The following NGLY1 variants were observed in gnomAD, a reference collection of about 807,000 sequenced individuals.
NGLY1 encodes peptide-N(4)-(N-acetyl-beta-glucosaminyl)asparagine amidase.
NGLY1 carries 68 observed loss-of-function variants against 84.6 expected under a neutral mutation model. The ratio of observed to expected loss-of-function variants is 0.80; its 90% CI spans 0.66 to 0.98. The LOEUF is 0.98. Ranked by LOEUF, NGLY1 falls within the 50% of genes least tolerant of loss-of-function variation. The pLI, the probability that NGLY1 is intolerant of heterozygous loss-of-function variation, is 0.00. For missense variants in NGLY1, 779 were observed against 770.2 expected (o/e 1.01, Z -0.14); for synonymous variants, 280 against 275.2 (o/e 1.02, Z -0.17).
chr3:25,760,860 C>CAAAAAAAAAAAA (rs760535260), intron 3 of NGLY1, among the ~76,000 whole-genome samples: 3 of 71,676 alleles, frequency 4.2e-5, no homozygotes, highest in Non-Finnish European at 7.3e-5. Flanking sequence ...AACTCTGTCT[C>CAAAAAAAAAAAA]AAAAAAAAAA....
upstream of NGLY1, among the ~76,000 whole-genome samples, chr3:25,787,314 G>A (rs773309701): frequency 1.3e-5 from 2 of 152,110 alleles, no homozygotes; most frequent in African/African-American, 2.4e-5. Context: ...TCCTAGTAAC[G>A]TTTCCTTCTC....
intron 5 of NGLY1, among the ~76,000 whole-genome samples, chr3:25,739,030 C>T (rs1705988074): frequency 6.6e-6 from 1 of 152,020 alleles, no homozygotes; most frequent in Non-Finnish European, 1.5e-5. Flanking sequence ...CAAACTTCTG[C>T]TAATAAGACT....
Position 25,749,831 on chromosome 3 carries a change from G to T in NGLY1, c.658+1267C>A, listed in dbSNP as rs6798340. The T allele has an allele frequency of 1.4e-3, 1,593 of 1,132,354 alleles. 11 individuals are homozygous for T. The African/African-American group carries it at 0.018, about 13-fold the overall frequency. The allele number at this position is 1,132,354 out of a possible 1,614,324, so 70.1% of individuals were successfully genotyped here. A position where few individuals can be genotyped will look rare whatever the true frequency, so the allele number is the denominator to read the frequency against. On this transcript the variant is annotated intron_variant, in intron 4 of 11. Transcript: ENST00000280700. Reference sequence around the variant, plus strand: ...GAACTGCAAAGCCATCATGGAAAGAGCCACCCAGCTGGCCATCAGAGTCAC... The same window carrying T: ...GAACTGCAAAGCCATCATGGAAAGATCCACCCAGCTGGCCATCAGAGTCAC...
At chr3:25,737,107 A>C in intron 6 of NGLY1, 1 of 379,402 alleles carries the variant, frequency 2.6e-6, no homozygotes, top group Admixed American at 4.2e-5. Context: ...GAAAAAAAGG[A>C]ATATTTATAG....
intron 4 of NGLY1, among the ~76,000 whole-genome samples, chr3:25,742,459 C>T (rs1284198653): frequency 6.6e-6 from 1 of 152,070 alleles, no homozygotes; most frequent in Non-Finnish European, 1.5e-5. Flanking sequence ...AAATAAACCC[C>T]ACACAACTTA....
intron 4 of NGLY1, among the ~76,000 whole-genome samples, chr3:25,750,465 T>C (rs1706677343): frequency 1.3e-5 from 2 of 152,046 alleles, no homozygotes; most frequent in South Asian, 2.1e-4. Context: ...AGCGACAAAG[T>C]AGAATAGTCG....
chr3:25,734,815 C>T (rs1365047799), intron 7 of NGLY1: 3 of 946,840 alleles, frequency 3.2e-6, no homozygotes, highest in South Asian at 4.9e-5. Context: ...ACCAGAAACG[C>T]TATGATAAAA....
At chr3:25,781,088 T>C (rs564029706) in intron 1 of NGLY1, among the ~76,000 whole-genome samples, 6 of 152,198 alleles carry the variant, frequency 3.9e-5, no homozygotes, top group Admixed American at 3.9e-4. Context: ...TAGCTGGGAC[T>C]ACAGGTGTCT....
At chr3:25,746,850 G>GA (rs1706460924) in intron 4 of NGLY1, among the ~76,000 whole-genome samples, 1 of 152,064 alleles carries the variant, frequency 6.6e-6, no homozygotes, top group Non-Finnish European at 1.5e-5. Context: ...TATTTTTTGA[G>GA]ACGGAGTTTC....
At chr3:25,725,748 A>G (rs1435839280) in intron 10 of NGLY1, among the ~76,000 whole-genome samples, 1 of 146,294 alleles carries the variant, frequency 6.8e-6, no homozygotes, top group African/African-American at 2.6e-5. Context: ...GAGAGAACAG[A>G]AAAAAAAAAA....
chr3:25,741,304 G>A (rs1299789146), intron 4 of NGLY1, among the ~76,000 whole-genome samples: 4 of 151,944 alleles, frequency 2.6e-5, no homozygotes, highest in Non-Finnish European at 4.4e-5. Flanking sequence ...TATTAGTGAA[G>A]AATAAACAGA....
Position 25,735,339 on chromosome 3 carries a change from A to T in NGLY1, c.1149+665T>A, listed in dbSNP as rs973741994. 3.9e-5 allele frequency: 6 copies of T among 152,202 alleles called. No individual in the cohort carries two copies. In the East Asian group the frequency reaches 1.2e-3, roughly 29 times the overall value. 9.4% of individuals were successfully genotyped at this position (152,202 alleles called of 1,614,324 possible). Reference sequence around the variant, plus strand: ...TGGACTTATATAAGAATATATAAAGAACTCTCAAAACCAAACAGTAAGAAA... The same window carrying T: ...TGGACTTATATAAGAATATATAAAGTACTCTCAAAACCAAACAGTAAGAAA... On this transcript the variant is annotated intron_variant, in intron 7 of 11. Transcript: ENST00000280700.
intron 2 of NGLY1, among the ~76,000 whole-genome samples, chr3:25,777,273 T>C (rs1708196467): frequency 6.6e-6 from 1 of 151,726 alleles, no homozygotes; most frequent in African/African-American, 2.4e-5. Flanking sequence ...CGTATGCCTT[T>C]AATCCCAGCT....
At chr3:25,726,079 G>A (rs1219124339) in intron 10 of NGLY1, among the ~76,000 whole-genome samples, 1 of 128,386 alleles carries the variant, frequency 7.8e-6, no homozygotes, top group Admixed American at 9.0e-5. Context: ...CCCTCACCCC[G>A]CCAAAATGCT....
At chr3:25,738,827 A>C (rs1012902165) in intron 5 of NGLY1, among the ~76,000 whole-genome samples, 2 of 152,124 alleles carry the variant, frequency 1.3e-5, no homozygotes, top group East Asian at 3.8e-4. Flanking sequence ...AAAATTAGAT[A>C]TTTTTAAAAC....
rs543129247 is a variant in NGLY1 at position 25,774,338 on chromosome 3, G to GTT, written c.246+4234_246+4235dup. On this transcript the variant is annotated intron_variant, in intron 2 of 11. Transcript: ENST00000280700. ...TAGGGTTGCCTGCATAAGTATTTGG[G>GTT]TTTCTCAGGCAGTGGGCAGGGCCAT... 3.7e-3 allele frequency among the ~76,000 whole-genome samples: 570 copies of GTT among 152,272 alleles called. 3 individuals carry two copies. The highest frequency in any genetic ancestry group is 0.013 in the African/African-American group (528 of 41,546).
At chr3:25,780,459 A>G (rs1708360322) in intron 1 of NGLY1, among the ~76,000 whole-genome samples, 1 of 152,184 alleles carries the variant, frequency 6.6e-6, no homozygotes, top group African/African-American at 2.4e-5. Context: ...AGGATGATAT[A>G]TCCTACTGGT....
intron 3 of NGLY1, chr3:25,755,415 CAG>C (rs993396746): frequency 3.5e-6 from 5 of 1,445,074 alleles, no homozygotes; most frequent in Non-Finnish European, 3.9e-6. Context: ...ACCCCACAAA[CAG>C]TGTCTGTCCC....
At chr3:25,722,845 G>A (rs1400886132) in intron 10 of NGLY1, among the ~76,000 whole-genome samples, 2 of 152,112 alleles carry the variant, frequency 1.3e-5, no homozygotes, top group African/African-American at 4.8e-5. Context: ...TTAGGCATCT[G>A]GGTTACACAC....
Sources: gnomAD v4.1 joint callset for allele counts (sites outside exome capture counted in the v4.1 genomes callset) on GRCh38, gnomAD v4.1.1 for gene constraint, MANE v1.5 for transcripts, NCBI Gene and HGNC (gene_info 2026-07-23, HGNC 2026-07-21) for gene names.